Variants in UGT2B7 observed in about 807,000 individuals in gnomAD.
UGT2B7 encodes UDP glucuronosyltransferase family 2 member B7, also known as UDP-glucuronosyltransferase 2B7.
Under a neutral mutation model 51.9 loss-of-function variants are expected in UGT2B7, and 51 were observed. The observed-to-expected ratio is 0.98, with a 90% CI of 0.78 to 1.24. UGT2B7 has a LOEUF of 1.24. UGT2B7 is among the 50% of genes most tolerant of loss of function. The probability of loss-of-function intolerance (pLI) is 0.00; values close to 1 mark genes in which losing one functional copy is unlikely to be tolerated. For missense variants in UGT2B7, 727 were observed against 628.4 expected, an observed-to-expected ratio of 1.16 and a Z score of -1.68; for synonymous variants, 225 against 211.6, an observed-to-expected ratio of 1.06 and a Z score of -0.55.
chr4:69,067,358 T>C (rs566455547), intron 1 of UGT2B7: 4 of 154,342 alleles, frequency 2.6e-5, no homozygotes, highest in African/African-American at 9.6e-5. Flanking sequence ...ATTTTATTTC[T>C]AAGACTTACA....
At chr4:69,094,035 A>G (rs2109881121), upstream of UGT2B7, among the ~76,000 whole-genome samples, 1 of 152,260 alleles carries the variant, frequency 6.6e-6, no homozygotes, top group East Asian at 1.9e-4. Context: ...TCACTAATAC[A>G]AGGCATACTT....
chr4:69,102,198 T>A (rs1043253248), intron 2 of UGT2B7, among the ~76,000 whole-genome samples: 2 of 152,190 alleles, frequency 1.3e-5, no homozygotes, highest in Non-Finnish European at 2.9e-5. Flanking sequence ...TATTTTATTT[T>A]TTTTAGTTTT....
At chr4:69,100,422 G>A (rs746686887) in intron 2 of UGT2B7, among the ~76,000 whole-genome samples, 4 of 151,912 alleles carry the variant, frequency 2.6e-5, no homozygotes, top group South Asian at 2.1e-4. Flanking sequence ...TCTTTGTTAC[G>A]TTATTATTTA....
chr4:69,096,503 G>A lies in UGT2B7; in HGVS notation c.-18G>A. The A allele has an allele frequency of 6.2e-7, 1 of 1,612,574 alleles. No individual in the cohort carries two copies. ...GAAAGGAACAGCAACTGGAAAACAA[G>A]CATTGCATTGCACCAGGATGTCTGT... On this transcript the variant is annotated 5_prime_UTR_variant, in exon 1 of 6. Transcript: ENST00000305231.
At chr4:69,072,975 T>C (rs1718631402) in intron 1 of UGT2B7, among the ~76,000 whole-genome samples, 1 of 152,086 alleles carries the variant, frequency 6.6e-6, no homozygotes. Flanking sequence ...TTTTTGAAAG[T>C]GGGGGAATGT....
chr4:69,100,648 A>T (rs146763395), intron 2 of UGT2B7, among the ~76,000 whole-genome samples: 2 of 152,154 alleles, frequency 1.3e-5, no homozygotes, highest in East Asian at 3.9e-4. Context: ...TAGTGTCAGT[A>T]GGAGGGGGAA....
At chr4:69,095,609 A>C (rs1719202129), upstream of UGT2B7, among the ~76,000 whole-genome samples, 1 of 152,226 alleles carries the variant, frequency 6.6e-6, no homozygotes, top group Non-Finnish European at 1.5e-5. Flanking sequence ...AATAACTGTG[A>C]GGAAGTGAGT....
chr4:69,069,002 A>G (rs759514129), intron 1 of UGT2B7, among the ~76,000 whole-genome samples: 2 of 151,866 alleles, frequency 1.3e-5, no homozygotes, highest in Non-Finnish European at 2.9e-5. Context: ...TCTACCAAGT[A>G]TTCTAAGAAT....
intron 1 of UGT2B7, among the ~76,000 whole-genome samples, chr4:69,063,702 TG>T (rs1437331250): frequency 6.6e-6 from 1 of 152,180 alleles, no homozygotes; most frequent in Admixed American, 6.5e-5. Flanking sequence ...AGTTCAGACC[TG>T]GAACCCAGAT....
At chr4:69,073,253 A>G (rs1718637924) in intron 1 of UGT2B7, among the ~76,000 whole-genome samples, 1 of 152,128 alleles carries the variant, frequency 6.6e-6, no homozygotes. Context: ...CCAAAAATGG[A>G]TATTAACTTT....
chr4:69,106,207 A>G (rs1719594837), intron 3 of UGT2B7, among the ~76,000 whole-genome samples: 1 of 152,102 alleles, frequency 6.6e-6, no homozygotes, highest in Non-Finnish European at 1.5e-5. Context: ...TTCATCACCC[A>G]GATATTAAGG....
At chr4:69,063,127 G>A (rs1406324234) in intron 1 of UGT2B7, among the ~76,000 whole-genome samples, 7 of 151,494 alleles carry the variant, frequency 4.6e-5, no homozygotes, top group East Asian at 3.9e-4. Context: ...AGACCATCCC[G>A]GCTAAAACGG....
chr4:69,104,014 C>A (rs1262209948), intron 3 of UGT2B7, among the ~76,000 whole-genome samples: 1 of 152,124 alleles, frequency 6.6e-6, no homozygotes, highest in Non-Finnish European at 1.5e-5. Flanking sequence ...ATAGGCCAGG[C>A]ACGGTAGCTC....
At chr4:69,071,730 C>T (rs1438878733) in intron 1 of UGT2B7, among the ~76,000 whole-genome samples, 2 of 151,884 alleles carry the variant, frequency 1.3e-5, no homozygotes, top group Admixed American at 1.3e-4. Context: ...AAATATTTTA[C>T]TTTACTAAAC....
chr4:69,063,073 A>T (rs1030886535), intron 1 of UGT2B7, among the ~76,000 whole-genome samples: 1 of 148,956 alleles, frequency 6.7e-6, no homozygotes, highest in Non-Finnish European at 1.5e-5. Flanking sequence ...TAATCCCAGC[A>T]CTTTGGGAGG....
At chr4:69,074,427 A>AAT (rs143693621) in intron 1 of UGT2B7, among the ~76,000 whole-genome samples, 1,242 of 116,062 alleles carry the variant, frequency 0.011, 15 homozygotes, top group African/African-American at 0.02. Flanking sequence ...CCTTATCTTA[A>AAT]ATATATATAT....
At chr4:69,092,223 C>T (rs1427626973), upstream of UGT2B7, among the ~76,000 whole-genome samples, 1 of 152,166 alleles carries the variant, frequency 6.6e-6, no homozygotes, top group African/African-American at 2.4e-5. Context: ...ACAGGTTGAG[C>T]CACTATATTT....
At chr4:69,079,533 T>C (rs943073331) in intron 1 of UGT2B7, among the ~76,000 whole-genome samples, 2 of 152,148 alleles carry the variant, frequency 1.3e-5, no homozygotes, top group African/African-American at 4.8e-5. Context: ...ACATAGCATA[T>C]TGTGACAGGT....
chr4:69,083,700 G>A (rs958102178), intron 1 of UGT2B7, among the ~76,000 whole-genome samples: 5 of 151,948 alleles, frequency 3.3e-5, no homozygotes, highest in Non-Finnish European at 7.4e-5. Context: ...ATTGGAATAC[G>A]GAAACACAAC....
Sources: allele counts gnomAD v4.1 joint callset (sites outside exome capture counted in the v4.1 genomes callset), GRCh38; gene constraint gnomAD v4.1.1; transcripts MANE v1.5; gene names NCBI Gene and HGNC (gene_info 2026-07-23, HGNC 2026-07-21).